KDM3A: variants seen among roughly 807,000 people sequenced by gnomAD.
KDM3A encodes the protein lysine-specific demethylase 3A.
A neutral mutation model predicts 158.0 loss-of-function variants in KDM3A; 60 were observed. That is an observed-to-expected ratio of 0.38 (90% CI 0.31 to 0.47). The LOEUF (loss-of-function observed/expected upper bound fraction) is 0.47. Among genes scored for constraint, KDM3A ranks in the 20% least tolerant of loss-of-function variants. The probability of loss-of-function intolerance (pLI) is 0.99; values close to 1 mark genes in which losing one functional copy is unlikely to be tolerated. For synonymous variants in KDM3A, 608 were observed against 549.3 expected (o/e 1.11, Z -1.49); for missense variants, 1,319 against 1,574.3 (o/e 0.84, Z 2.74).
intron 5 of KDM3A, 100 bp downstream of exon 5, chr2:86,455,287 C>CTT: frequency 5.0e-6 from 3 of 603,692 alleles, no homozygotes; most frequent in South Asian, 2.4e-5. Context: ...ATGGAAATTT[C>CTT]TTTTTTCTTT....
Position 86,464,127 on chromosome 2 carries a change from G to T in KDM3A, c.918G>T (p.Ala306=), listed in dbSNP as rs12714187. Residue 306 remains alanine, a synonymous_variant, in exon 9 of 26, where the codon GCG becomes GCT. Transcript: ENST00000312912. The part of the protein sequence containing the change: ...VFKEILLGCT[A]ATPPSKDPRQ... Reference sequence around the variant, plus strand: ...AGGAGATACTGCTTGGCTGTACTGCGGCAACTCCACCTAGTAAGGACCCAA... The same window carrying T: ...AGGAGATACTGCTTGGCTGTACTGCTGCAACTCCACCTAGTAAGGACCCAA... 2 of 1,612,704 alleles carry T rather than the reference G, an allele frequency of 1.2e-6. No homozygotes were observed. The highest frequency in any genetic ancestry group is 1.7e-5 in the Admixed American group (1 of 59,906).
intron 3 of KDM3A, 29 bp from the exon 4 acceptor site, chr2:86,451,074 T>C (rs377098522): frequency 2.9e-5 from 42 of 1,452,184 alleles, no homozygotes; most frequent in Non-Finnish European, 3.8e-5. Context: ...ACAGCAGTTA[T>C]GATGCTAAAG....
Position 86,466,736 on chromosome 2 carries a change from G to A in KDM3A, c.1372G>A (p.Gly458Ser). ...TTCAAATGCACCAGAAGTGAAAGCA[G>A]GTGTCAATAGTGATAGCCCTAATAA... is the stretch of plus-strand genomic sequence containing the variant. Reference protein sequence around the residue: ...DVSNAPEVKAGVNSDSPNNCS... With the variant: ...DVSNAPEVKASVNSDSPNNCS... The change falls in exon 10 of 26, where the codon GGT becomes AGT. Residue 458 changes from glycine (G) to serine (S), a missense_variant. Physicochemically the swap from Gly to Ser is moderately conservative, Grantham distance 56. This residue lies in a region of KDM3A where 652 missense variants were observed against 627.2 expected (regional missense o/e 1.04). Transcript: ENST00000312912. The A allele has an allele frequency of 6.2e-7, 1 of 1,613,876 alleles. No individual in the cohort carries two copies. The highest frequency in any genetic ancestry group is 8.5e-7 in the Non-Finnish European group (1 of 1,179,852).
rs753354994 is a variant in KDM3A, at chr2:86,478,750, T to C, written c.2316+15T>C. 3 of 1,610,486 alleles carry C rather than the reference T, an allele frequency of 1.9e-6. No individual in the cohort carries two copies. Among genetic ancestry groups the C allele is most frequent in the East Asian group, 4.5e-5 (2 of 44,856 alleles). The stretch of plus-strand genomic sequence containing the variant: ...ACCTAAAACAGGTATTTACTGCTTA[T>C]GTTAAATTCAACATCTCTTGTAATT... On this transcript the variant is annotated intron_variant, in intron 15 of 25. Transcript: ENST00000312912.
Position 86,477,969 on chromosome 2 carries a change from C to T in KDM3A, c.2032C>T (p.Arg678Trp), listed in dbSNP as rs1673735856. Residue 678 changes from arginine (R) to tryptophan (W), a missense_variant, in exon 13 of 26, where the codon CGG becomes TGG. Physicochemically the swap from Arg to Trp is moderately radical, Grantham distance 101. Coordinates refer to ENST00000312912, the MANE Select transcript of KDM3A (RefSeq NM_018433.6). ...TIFNLHWVCP[R>W]CGFGVCVDCY... is the part of the protein sequence containing the mutation. Reference sequence around the variant, plus strand: ...CTTCAACCTGCACTGGGTGTGTCCTCGGTGTGGGTTTGGAGTATGTGTGGA... The same window carrying T: ...CTTCAACCTGCACTGGGTGTGTCCTTGGTGTGGGTTTGGAGTATGTGTGGA... 2 of 1,613,980 alleles carry T rather than the reference C, an allele frequency of 1.2e-6. No individual in the cohort carries two copies. The highest frequency in any genetic ancestry group is 2.2e-5 in the East Asian group (1 of 44,884).
At chr2:86,441,983 C>T (rs1682738734) in intron 1 of KDM3A, 35 bp from the exon 2 acceptor site, 4 of 1,572,388 alleles carry the variant, frequency 2.5e-6, no homozygotes, top group Admixed American at 1.7e-5. Context: ...TCCCACCGGC[C>T]GCCCCCGTCG....
intron 2 of KDM3A, among the ~76,000 whole-genome samples, chr2:86,444,927 A>C (rs1342593711): frequency 6.6e-6 from 1 of 152,236 alleles, no homozygotes; most frequent in African/African-American, 2.4e-5. Flanking sequence ...ACAGTGGATA[A>C]CTATGATTAA....
intron 8 of KDM3A, among the ~76,000 whole-genome samples, chr2:86,461,326 G>A (rs560543536): frequency 1.3e-5 from 2 of 152,142 alleles, no homozygotes; most frequent in South Asian, 4.2e-4. Context: ...CTTCCAACAA[G>A]TATTTATTGC....
intron 2 of KDM3A, chr2:86,443,576 G>C (rs1470819632): frequency 1.3e-5 from 2 of 152,140 alleles, no homozygotes; most frequent in Non-Finnish European, 2.9e-5. Flanking sequence ...TGAAACTACT[G>C]TGCCTGAGGG....
In KDM3A at chr2:86,470,232, C is replaced by G; in HGVS notation, c.1548C>G (p.Asp516Glu). ...CATCCAGGAAGTCGGTTTTGACAGA[C>G]CCAGCTAAACTCAAAAAGCTGCAAC... is the stretch of plus-strand genomic sequence containing the variant. ...NAPSRKSVLT[D>E]PAKLKKLQQS... is the part of the protein sequence containing the mutation. Residue 516 changes from aspartate (D) to glutamate (E), a missense_variant, in exon 11 of 26, where the codon GAC becomes GAG. Asp to Glu is a conservative substitution (Grantham distance 45). Transcript: ENST00000312912. 6.2e-7 allele frequency: 1 copy of G among 1,614,058 alleles called. No homozygotes were observed. Among genetic ancestry groups the G allele is most frequent in the East Asian group, 2.2e-5 (1 of 44,874 alleles).
chr2:86,458,014 A>T (rs1004992315), intron 8 of KDM3A, among the ~76,000 whole-genome samples: 1 of 152,172 alleles, frequency 6.6e-6, no homozygotes, highest in Non-Finnish European at 1.5e-5. Context: ...TGTCACATGG[A>T]TAGTTTCCTG....
intron 21 of KDM3A, 135 bp from the exon 22 acceptor site, chr2:86,489,183 G>T: frequency 9.9e-7 from 1 of 1,009,494 alleles, no homozygotes; most frequent in Non-Finnish European, 1.4e-6. Context: ...GAATTTTTTT[G>T]CAATAATTTG....
chr2:86,461,961 G>A (rs1176300187), intron 8 of KDM3A, among the ~76,000 whole-genome samples: 1 of 152,168 alleles, frequency 6.6e-6, no homozygotes, highest in African/African-American at 2.4e-5. Flanking sequence ...GTAGGCAGTG[G>A]ACTGCCGTGA....
rs745707605 is a variant in KDM3A at position 86,455,067 on chromosome 2, T to C, written c.454-18T>C. The C allele has an allele frequency of 2.1e-6, 3 of 1,401,552 alleles. No individual in the cohort carries two copies. Among genetic ancestry groups the C allele is most frequent in the East Asian group, 2.3e-5 (1 of 43,478 alleles). The allele number at this position is 1,401,552 out of a possible 1,614,324, so 86.8% of individuals were successfully genotyped here. A position where few individuals can be genotyped will look rare whatever the true frequency, so the allele number is the denominator to read the frequency against. On this transcript the variant is annotated intron_variant, in intron 4 of 25. Transcript: ENST00000312912. ...ATTAACTGTTACCCTTAACATGTAA[T>C]GATCTTTCATTTTTCAGGATGTAAA...
At chr2:86,444,479 A>C (rs545198251) in intron 2 of KDM3A, among the ~76,000 whole-genome samples, 1 of 152,224 alleles carries the variant, frequency 6.6e-6, no homozygotes, top group South Asian at 2.1e-4. Context: ...ATTAAAAAAA[A>C]CCAGGATTTT....
upstream of KDM3A, chr2:86,440,982 G>C (rs907090733): frequency 3.3e-5 from 5 of 152,202 alleles, no homozygotes; most frequent in African/African-American, 1.2e-4. Context: ...TATAGCTCAG[G>C]GTCTCGCCAT....
intron 11 of KDM3A, among the ~76,000 whole-genome samples, chr2:86,471,337 A>G (rs9750715): frequency 1.3e-5 from 2 of 151,050 alleles, no homozygotes; most frequent in Non-Finnish European, 2.9e-5. Context: ...ATGTGTGTAT[A>G]TATGTATATA....
chr2:86,440,550 A>G (rs937979747), upstream of KDM3A: 5 of 152,182 alleles, frequency 3.3e-5, no homozygotes, highest in African/African-American at 1.2e-4. Flanking sequence ...TTTCTTTGTA[A>G]GTATCTGAAT....
intron 15 of KDM3A, 104 bp downstream of exon 15, chr2:86,478,839 G>GA: frequency 9.3e-7 from 1 of 1,072,582 alleles, no homozygotes; most frequent in South Asian, 1.5e-5. Context: ...GGAACCTGGG[G>GA]ATAGCTATCA....
Sources: gnomAD v4.1 joint callset for allele counts (sites outside exome capture counted in the v4.1 genomes callset) on GRCh38, gnomAD v4.1.1 for gene constraint, gnomAD v4.1.1 regional missense constraint, MANE v1.5 for transcripts, NCBI Gene and HGNC (gene_info 2026-07-23, HGNC 2026-07-21) for gene names.